Variants in CCDC171 observed in about 807,000 individuals in gnomAD.
The protein encoded by CCDC171 is coiled-coil domain containing 171.
A neutral mutation model predicts 168.2 loss-of-function variants in CCDC171; 177 were observed. That is an observed-to-expected ratio of 1.05 (90% CI 0.93 to 1.19). The LOEUF (loss-of-function observed/expected upper bound fraction) is 1.19, where lower values mean the gene tolerates loss of function less well. Ranked by LOEUF, CCDC171 falls within the 50% of genes most tolerant of loss-of-function variation. CCDC171 has a pLI of 0.00. For missense variants in CCDC171, 1,991 were observed against 1,539.0 expected, an observed-to-expected ratio of 1.29 and a Z score of -4.91; for synonymous variants, 687 against 540.8, an observed-to-expected ratio of 1.27 and a Z score of -3.75.
At chr9:15,728,831 G>T (rs1377274557) in intron 15 of CCDC171, among the ~76,000 whole-genome samples, 3 of 151,724 alleles carry the variant, frequency 2.0e-5, no homozygotes, top group Non-Finnish European at 1.5e-5. Flanking sequence ...GACAAGAAGA[G>T]AAAAACTGTC....
the CCDC171 span, among the ~76,000 whole-genome samples, chr9:16,073,515 G>T: frequency 1.3e-5 from 2 of 152,032 alleles, no homozygotes; most frequent in Non-Finnish European, 2.9e-5. Flanking sequence ...TCTCTGCCTT[G>T]TCTCTATTTC....
the CCDC171 span, among the ~76,000 whole-genome samples, chr9:16,089,809 G>A: frequency 6.6e-6 from 1 of 151,326 alleles, no homozygotes; most frequent in Non-Finnish European, 1.5e-5. Flanking sequence ...ATGCACTCAA[G>A]AAACATGAAA....
chr9:15,784,367 A>C (rs2057826316), intron 20 of CCDC171, 142 bp from the exon 21 acceptor site: 1 of 479,026 alleles, frequency 2.1e-6, no homozygotes, highest in Admixed American at 4.0e-5. Context: ...TGACTTATGC[A>C]ATTAAGAAAA....
chr9:15,647,354 G>C (rs1055899757), intron 7 of CCDC171, among the ~76,000 whole-genome samples: 3 of 152,054 alleles, frequency 2.0e-5, no homozygotes, highest in Non-Finnish European at 4.4e-5. Context: ...ACAGAAGCAA[G>C]AGCAAACACA....
intron 11 of CCDC171, among the ~76,000 whole-genome samples, chr9:15,715,646 C>G (rs1232612841): frequency 2.0e-5 from 3 of 152,148 alleles, no homozygotes; most frequent in Non-Finnish European, 4.4e-5. Flanking sequence ...TGTCTTTTGT[C>G]TGTATTCTCC....
rs145736538 is a variant in CCDC171, at chr9:15,907,229, G to T, written c.3601-13041G>T. Among the ~76,000 whole-genome samples the T allele has an allele frequency of 6.1e-3, 926 of 152,276 alleles. 12 individuals are homozygous for T. The highest frequency in any genetic ancestry group is 0.021 in the African/African-American group (874 of 41,538). ...ATCCCAAGCCAAAAGAACAAAGCTG[G>T]AGACATCATGCTACCTGACTTCAAA... is the stretch of plus-strand genomic sequence containing the variant. On this transcript the variant is annotated intron_variant, in intron 24 of 25. Coordinates refer to ENST00000380701, the MANE Select transcript of CCDC171 (RefSeq NM_173550.4).
chr9:15,958,016 A>C (rs191488629), intron 25 of CCDC171, among the ~76,000 whole-genome samples: 7 of 152,314 alleles, frequency 4.6e-5, no homozygotes, highest in Non-Finnish European at 5.9e-5. Context: ...AAACTCTGTG[A>C]AATAAAAATA....
chr9:16,012,397 ATTT>A (rs750132141), intron 3 of CCDC171, among the ~76,000 whole-genome samples: 7 of 152,048 alleles, frequency 4.6e-5, no homozygotes, highest in African/African-American at 9.7e-5. Context: ...TTCTTGTATT[ATTT>A]CTTTGGTTGG....
At chr9:15,786,520 T>C (rs1281550553) in intron 21 of CCDC171, among the ~76,000 whole-genome samples, 3 of 152,092 alleles carry the variant, frequency 2.0e-5, no homozygotes, top group African/African-American at 7.3e-5. Context: ...ATTATACATA[T>C]TGTTTTTTAC....
chr9:15,775,343 A>G (rs768461222), intron 18 of CCDC171, among the ~76,000 whole-genome samples: 29 of 152,184 alleles, frequency 1.9e-4, no homozygotes, highest in Non-Finnish European at 1.0e-4. Context: ...TGACAAAGTA[A>G]AAAACCTTAT....
chr9:15,587,482 C>G (rs1019412818), intron 4 of CCDC171: 4 of 361,786 alleles, frequency 1.1e-5, no homozygotes, highest in African/African-American at 4.2e-5. Flanking sequence ...CTTCCCCAGC[C>G]ATGTGAAACT....
At chr9:15,807,967 G>A (rs977199975) in intron 21 of CCDC171, among the ~76,000 whole-genome samples, 9 of 151,490 alleles carry the variant, frequency 5.9e-5, no homozygotes, top group African/African-American at 2.2e-4. Context: ...GCTACTGGTT[G>A]TTCAGTATCT....
At chr9:15,626,998 G>T (rs2045191438) in intron 7 of CCDC171, among the ~76,000 whole-genome samples, 1 of 152,182 alleles carries the variant, frequency 6.6e-6, no homozygotes, top group Non-Finnish European at 1.5e-5. Flanking sequence ...TTCAGAGCCT[G>T]TTATTGGTCT....
chr9:15,962,154 A>C (rs1401648629), intron 25 of CCDC171, among the ~76,000 whole-genome samples: 1 of 152,186 alleles, frequency 6.6e-6, no homozygotes, highest in East Asian at 1.9e-4. Context: ...TATGTGCTAC[A>C]ACACAGGGGC....
chr9:16,025,975 A>G (rs1833267656), intron 6 of CCDC171, among the ~76,000 whole-genome samples: 1 of 152,224 alleles, frequency 6.6e-6, no homozygotes, highest in African/African-American at 2.4e-5. Flanking sequence ...TTTTTAAAAA[A>G]CAAGACAGTC....
At chr9:15,753,456 G>C (rs538944376) in intron 18 of CCDC171, among the ~76,000 whole-genome samples, 1 of 152,258 alleles carries the variant, frequency 6.6e-6, no homozygotes, top group African/African-American at 2.4e-5. Context: ...TATCGGAAGA[G>C]AGATGTATCA....
intron 4 of CCDC171, among the ~76,000 whole-genome samples, chr9:15,588,150 A>G (rs2041709048): frequency 6.6e-6 from 1 of 152,072 alleles, no homozygotes; most frequent in Non-Finnish European, 1.5e-5. Flanking sequence ...TGGGAGAATC[A>G]CTTGAACCTG....
chr9:15,826,697 A>G (rs1426892226), intron 21 of CCDC171, among the ~76,000 whole-genome samples: 1 of 152,196 alleles, frequency 6.6e-6, no homozygotes. Flanking sequence ...ATCAAATGCC[A>G]GACCTGTGTG....
At chr9:15,664,692 TTG>T (rs2048597056) in intron 8 of CCDC171, among the ~76,000 whole-genome samples, 6 of 143,410 alleles carry the variant, frequency 4.2e-5, no homozygotes, top group South Asian at 2.2e-4. Flanking sequence ...GAATATAGTT[TTG>T]TTTTTTTTTT....
Sources: gnomAD v4.1 joint callset for allele counts (sites outside exome capture counted in the v4.1 genomes callset) on GRCh38, gnomAD v4.1.1 for gene constraint, MANE v1.5 for transcripts, NCBI Gene and HGNC (gene_info 2026-07-23, HGNC 2026-07-21) for gene names.